Variants in EPB41L4A observed in about 807,000 individuals in gnomAD.
EPB41L4A encodes the protein erythrocyte membrane protein band 4.1 like 4A, also known as band 4.1-like protein 4A.
In EPB41L4A, 100 loss-of-function variants were observed where a neutral mutation model predicts 108.6. That is an observed-to-expected ratio of 0.92 (90% CI 0.78 to 1.09). EPB41L4A has a LOEUF of 1.09. EPB41L4A is among the 50% of genes least tolerant of loss of function. EPB41L4A has a pLI of 0.00. For synonymous variants in EPB41L4A, 319 were observed against 289.0 expected, an observed-to-expected ratio of 1.10 and a Z score of -1.05; for missense variants, 1,030 against 842.7, an observed-to-expected ratio of 1.22 and a Z score of -2.75.
chr5:112,269,425 G>C (rs141686541), intron 4 of EPB41L4A, among the ~76,000 whole-genome samples: 294 of 152,190 alleles, frequency 1.9e-3, no homozygotes, highest in African/African-American at 6.9e-3. Flanking sequence ...CTATTTTAAA[G>C]TAACTATATA....
At chr5:112,240,854 G>C (rs375406928) in intron 9 of EPB41L4A, 44 bp from the exon 10 acceptor site, 2 of 1,226,460 alleles carry the variant, frequency 1.6e-6, no homozygotes, top group African/African-American at 3.1e-5. Flanking sequence ...GACCAGGGAA[G>C]GAAGATAGCA....
chr5:112,281,676 T>C (rs1422967360), intron 2 of EPB41L4A, among the ~76,000 whole-genome samples: 1 of 152,248 alleles, frequency 6.6e-6, no homozygotes, highest in Non-Finnish European at 1.5e-5. Context: ...GCTGGCGCAG[T>C]TCCCCACTTT....
At chr5:112,172,562 T>A (rs955416659) in intron 18 of EPB41L4A, among the ~76,000 whole-genome samples, 1 of 152,062 alleles carries the variant, frequency 6.6e-6, no homozygotes, top group African/African-American at 2.4e-5. Context: ...AGAAACTGCT[T>A]CCTTGGTGTC....
At chr5:112,302,392 A>G (rs566361586) in intron 2 of EPB41L4A, among the ~76,000 whole-genome samples, 3 of 152,310 alleles carry the variant, frequency 2.0e-5, no homozygotes, top group East Asian at 3.9e-4. Context: ...TTTTTTAAAA[A>G]GAGCAGATTT....
chr5:112,385,195 C>T (rs563758567), intron 1 of EPB41L4A, among the ~76,000 whole-genome samples: 65 of 152,220 alleles, frequency 4.3e-4, no homozygotes, highest in African/African-American at 1.5e-3. Context: ...GCAAGTCCAA[C>T]GGGGAAGTGG....
chr5:112,219,467 A>G (rs952296541), intron 12 of EPB41L4A, among the ~76,000 whole-genome samples: 2 of 152,150 alleles, frequency 1.3e-5, no homozygotes, highest in African/African-American at 4.8e-5. Context: ...TCCCAGTCTC[A>G]GGTATTTCTT....
chr5:112,261,918 C>G (rs1042307426), intron 7 of EPB41L4A, among the ~76,000 whole-genome samples: 2 of 110,142 alleles, frequency 1.8e-5, no homozygotes, highest in Non-Finnish European at 3.4e-5. Context: ...GAGATGGGGT[C>G]TTGCTCTGTT....
chr5:112,159,922 G>T (rs183522968), downstream of EPB41L4A, among the ~76,000 whole-genome samples: 114 of 126,756 alleles, frequency 9.0e-4, no homozygotes, highest in Middle Eastern at 5.0e-3. Context: ...TTTTTTTTGA[G>T]ACGGAGTTTC....
At chr5:112,412,098 G>C (rs1300704234) in intron 1 of EPB41L4A, among the ~76,000 whole-genome samples, 2 of 152,154 alleles carry the variant, frequency 1.3e-5, no homozygotes, top group African/African-American at 4.8e-5. Context: ...ATACACTGCA[G>C]CACATGGTTC....
At chr5:112,220,166 T>C (rs924391619) in intron 12 of EPB41L4A, among the ~76,000 whole-genome samples, 8 of 152,210 alleles carry the variant, frequency 5.3e-5, no homozygotes, top group African/African-American at 1.7e-4. Context: ...TCAAAATAAG[T>C]AGAGGTATAT....
At chr5:112,187,406 T>C (rs1761482814) in intron 17 of EPB41L4A, among the ~76,000 whole-genome samples, 1 of 152,226 alleles carries the variant, frequency 6.6e-6, no homozygotes, top group Non-Finnish European at 1.5e-5. Context: ...TGCTTTAGAA[T>C]ACAGCAAATT....
chr5:112,206,646 G>A (rs556704402), intron 13 of EPB41L4A, among the ~76,000 whole-genome samples: 2 of 152,300 alleles, frequency 1.3e-5, no homozygotes, highest in South Asian at 4.1e-4. Flanking sequence ...AGGGAGAAGG[G>A]AGACTGGAAA....
chr5:112,219,788 T>TGG (rs1747917097), intron 12 of EPB41L4A, among the ~76,000 whole-genome samples: 1 of 152,200 alleles, frequency 6.6e-6, no homozygotes, highest in African/African-American at 2.4e-5. Flanking sequence ...TTCCATCTTC[T>TGG]GAGTTCAAGT....
chr5:112,343,407 G>C (rs1367268740), intron 1 of EPB41L4A, among the ~76,000 whole-genome samples: 10 of 152,170 alleles, frequency 6.6e-5, no homozygotes, highest in Admixed American at 6.5e-4. Context: ...GAAGTCATTT[G>C]TCCCATCTGT....
chr5:112,415,772 C>T (rs1008139977), intron 1 of EPB41L4A, among the ~76,000 whole-genome samples: 4 of 152,108 alleles, frequency 2.6e-5, no homozygotes, highest in Admixed American at 6.5e-5. Flanking sequence ...CAGCTAAAAG[C>T]TATTGTAGGG....
chr5:112,202,573 T>C (rs1229018776), intron 15 of EPB41L4A, among the ~76,000 whole-genome samples: 1 of 152,154 alleles, frequency 6.6e-6, no homozygotes, highest in African/African-American at 2.4e-5. Flanking sequence ...AATATGGCAA[T>C]ACCAAACAAA....
At position 112,405,406 on chromosome 5, in the gene EPB41L4A, T is replaced by G. The variant is rs557521034; in HGVS notation, c.99+13535A>C. Among the ~76,000 whole-genome samples, 7 of 152,308 alleles carry G rather than the reference T, an allele frequency of 4.6e-5. No individual in the cohort carries two copies. In the East Asian group the frequency reaches 1.4e-3, roughly 29 times the overall value. ...CCAGATCCACAGAAATTGTTGATGA[T>G]AAATACTGGTTCTTTTAAAGCTGCT... On this transcript the variant is annotated intron_variant, in intron 1 of 22. Transcript: ENST00000261486.
intron 15 of EPB41L4A, chr5:112,196,928 G>A (rs528141631): frequency 2.6e-5 from 4 of 152,260 alleles, no homozygotes; most frequent in South Asian, 4.1e-4. Context: ...TTCTCCTTCC[G>A]AAGGAAAAAG....
intron 12 of EPB41L4A, among the ~76,000 whole-genome samples, chr5:112,233,676 T>A (rs114991880): frequency 6.6e-6 from 1 of 152,214 alleles, no homozygotes; most frequent in South Asian, 2.1e-4. Context: ...GCCTCTTGAG[T>A]AGCTAGGACG....
Sources: allele counts gnomAD v4.1 joint callset (sites outside exome capture counted in the v4.1 genomes callset), GRCh38; gene constraint gnomAD v4.1.1; transcripts MANE v1.5; gene names NCBI Gene and HGNC (gene_info 2026-07-23, HGNC 2026-07-21).